Variants in ZBTB20 observed in about 807,000 individuals in gnomAD.
ZBTB20 encodes zinc finger and BTB domain containing 20.
In ZBTB20, 9 loss-of-function variants were observed where a neutral mutation model predicts 56.9. The ratio of observed to expected loss-of-function variants is 0.16; its 90% CI spans 0.10 to 0.28. The LOEUF (loss-of-function observed/expected upper bound fraction) is 0.28. Among genes scored for constraint, ZBTB20 ranks in the 10% least tolerant of loss-of-function variants. The pLI, the probability that ZBTB20 is intolerant of heterozygous loss-of-function variation, is 1.00. For synonymous variants in ZBTB20, 417 were observed against 420.7 expected (o/e 0.99, Z 0.11); for missense variants, 655 against 1,003.0 (o/e 0.65, Z 4.69).
chr3:114,986,433 T>C (rs1271068223), intron 2 of ZBTB20, among the ~76,000 whole-genome samples: 1 of 152,150 alleles, frequency 6.6e-6, no homozygotes, highest in Non-Finnish European at 1.5e-5. Flanking sequence ...TTTCAAACAT[T>C]ATTAATTTTG....
intron 6 of ZBTB20, among the ~76,000 whole-genome samples, chr3:114,572,758 A>G (rs1482786919): frequency 6.6e-6 from 1 of 152,196 alleles, no homozygotes; most frequent in African/African-American, 2.4e-5. Context: ...AGCCAATAAA[A>G]CTTTATCTGG....
chr3:114,676,979 T>G (rs2061668860), intron 6 of ZBTB20, among the ~76,000 whole-genome samples: 1 of 152,066 alleles, frequency 6.6e-6, no homozygotes, highest in Non-Finnish European at 1.5e-5. Context: ...TTCACCCTGT[T>G]GGCCAGGATG....
chr3:114,504,986 T>C (rs917531471), intron 6 of ZBTB20, among the ~76,000 whole-genome samples: 5 of 152,226 alleles, frequency 3.3e-5, no homozygotes, highest in Admixed American at 2.0e-4. Flanking sequence ...TGTTTCCCCT[T>C]GAATCTGGGC....
chr3:114,632,124 G>C (rs1578070332), intron 6 of ZBTB20, among the ~76,000 whole-genome samples: 1 of 152,152 alleles, frequency 6.6e-6, no homozygotes, highest in Non-Finnish European at 1.5e-5. Context: ...AGCACTATCT[G>C]TTCTCACTAT....
At chr3:114,536,515 C>A (rs570921134) in intron 6 of ZBTB20, among the ~76,000 whole-genome samples, 1 of 152,284 alleles carries the variant, frequency 6.6e-6, no homozygotes, top group Admixed American at 6.5e-5. Flanking sequence ...AAAAACATTC[C>A]ATGCTCATGG....
chr3:114,413,716 C>G (rs2088222099), intron 7 of ZBTB20, among the ~76,000 whole-genome samples: 1 of 152,108 alleles, frequency 6.6e-6, no homozygotes, highest in Admixed American at 6.6e-5. Context: ...GTCACATTAC[C>G]TAAGCTGTAT....
intron 6 of ZBTB20, among the ~76,000 whole-genome samples, chr3:114,616,638 G>A (rs1022867705): frequency 6.6e-6 from 1 of 152,108 alleles, no homozygotes; most frequent in African/African-American, 2.4e-5. Context: ...TTTTTCCTGA[G>A]AAATGTCCAC....
chr3:114,632,832 C>T (rs972848577), intron 6 of ZBTB20, among the ~76,000 whole-genome samples: 5 of 152,168 alleles, frequency 3.3e-5, no homozygotes, highest in African/African-American at 7.2e-5. Context: ...CACAAGCTTT[C>T]CTGAAAGCTG....
chr3:114,663,413 G>A (rs1402610050), intron 6 of ZBTB20, among the ~76,000 whole-genome samples: 3 of 147,118 alleles, frequency 2.0e-5, no homozygotes, highest in Non-Finnish European at 4.5e-5. Flanking sequence ...AGGAACAACC[G>A]GTACCAGCCG....
intron 4 of ZBTB20, among the ~76,000 whole-genome samples, chr3:114,851,933 G>T (rs2075019297): frequency 6.6e-6 from 1 of 151,984 alleles, no homozygotes. Flanking sequence ...CAATTCGCAG[G>T]AGCTCTTATT....
At chr3:115,020,868 G>T (rs1263361669) in intron 2 of ZBTB20, among the ~76,000 whole-genome samples, 1 of 150,880 alleles carries the variant, frequency 6.6e-6, no homozygotes, top group Non-Finnish European at 1.5e-5. Flanking sequence ...ATAAATGAAA[G>T]ACTTCCCTTC....
chr3:114,787,368 T>TACACATACAC (rs1553821530), intron 5 of ZBTB20, among the ~76,000 whole-genome samples: 9 of 106,314 alleles, frequency 8.5e-5, no homozygotes, highest in African/African-American at 3.6e-4. Context: ...TATATATATA[T>TACACATACAC]ACACACACAC....
At chr3:114,481,511 C>T (rs1326339614) in intron 7 of ZBTB20, among the ~76,000 whole-genome samples, 2 of 152,158 alleles carry the variant, frequency 1.3e-5, no homozygotes, top group Non-Finnish European at 2.9e-5. Flanking sequence ...TTGCTAAATC[C>T]GTATTCATTC....
chr3:115,107,299 A>C (rs562811833), intron 1 of ZBTB20, among the ~76,000 whole-genome samples: 1 of 152,198 alleles, frequency 6.6e-6, no homozygotes, highest in African/African-American at 2.4e-5. Flanking sequence ...ATGCACCTGT[A>C]GTCCTAGCTA....
intron 2 of ZBTB20, among the ~76,000 whole-genome samples, chr3:115,017,457 C>G (rs1030175509): frequency 1.3e-5 from 2 of 151,390 alleles, no homozygotes; most frequent in Non-Finnish European, 3.0e-5. Flanking sequence ...CCATAGTGCC[C>G]AAAGTAATTT....
Position 114,755,340 on chromosome 3 carries a change from G to A in ZBTB20, c.-343+45761C>T, listed in dbSNP as rs114478523. Among the ~76,000 whole-genome samples, 1,157 of 152,228 alleles carry A rather than the reference G, an allele frequency of 7.6e-3. 11 individuals are homozygous for A. Among genetic ancestry groups the A allele is most frequent in the African/African-American group, 0.025 (1,049 of 41,556 alleles). Reference sequence around the variant, plus strand: ...ATGAACCAAGGGAGGACATAAGGGCGAGAAATATTAAATTTCAAGCCAGAA... The same window carrying A: ...ATGAACCAAGGGAGGACATAAGGGCAAGAAATATTAAATTTCAAGCCAGAA... On this transcript the variant is annotated intron_variant, in intron 5 of 11. Transcript: ENST00000675478.
intron 4 of ZBTB20, among the ~76,000 whole-genome samples, chr3:114,847,525 C>G (rs1302215406): frequency 6.6e-6 from 1 of 152,118 alleles, no homozygotes; most frequent in Non-Finnish European, 1.5e-5. Context: ...TATGAAATTC[C>G]TTTGGCCAAA....
At chr3:115,146,783 C>T (rs1203790424) in intron 1 of ZBTB20, among the ~76,000 whole-genome samples, 1 of 152,150 alleles carries the variant, frequency 6.6e-6, no homozygotes, top group South Asian at 2.1e-4. Flanking sequence ...TCCTGAGCCC[C>T]GGCTAGTCCC....
chr3:114,347,381 T>C (rs1019031915), intron 11 of ZBTB20, among the ~76,000 whole-genome samples: 8 of 152,152 alleles, frequency 5.3e-5, no homozygotes, highest in Admixed American at 3.3e-4. Context: ...TTTTTAGGAC[T>C]CTTTTTGGTT....
Sources: gnomAD v4.1 joint callset for allele counts (sites outside exome capture counted in the v4.1 genomes callset) on GRCh38, gnomAD v4.1.1 for gene constraint, MANE v1.5 for transcripts, NCBI Gene and HGNC (gene_info 2026-07-23, HGNC 2026-07-21) for gene names.